The following FOXP2 variants were observed in gnomAD, a reference collection of about 807,000 sequenced individuals.
FOXP2 encodes the protein forkhead box P2, also known as forkhead box protein P2.
Under a neutral mutation model 115.8 loss-of-function variants are expected in FOXP2, and 12 were observed. That is an observed-to-expected ratio of 0.10 (90% CI 0.07 to 0.17). FOXP2 has a LOEUF of 0.17. FOXP2 is among the 10% of genes least tolerant of loss of function. The pLI, the probability that FOXP2 is intolerant of heterozygous loss-of-function variation, is 1.00. For synonymous variants in FOXP2, 328 were observed against 297.7 expected, an observed-to-expected ratio of 1.10 and a Z score of -1.05; for missense variants, 629 against 843.5, an observed-to-expected ratio of 0.75 and a Z score of 3.15.
chr7:114,337,162 A>G (rs1180080115), intron 2 of FOXP2, among the ~76,000 whole-genome samples: 3 of 151,434 alleles, frequency 2.0e-5, no homozygotes, highest in Admixed American at 1.3e-4. Flanking sequence ...ATGTCTTTAT[A>G]TATAATGGTT....
intron 2 of FOXP2, among the ~76,000 whole-genome samples, chr7:114,403,299 A>G (rs1792938556): frequency 6.6e-6 from 1 of 152,208 alleles, no homozygotes; most frequent in African/African-American, 2.4e-5. Flanking sequence ...GCATCACAGC[A>G]AACAAAAACC....
chr7:114,499,213 C>T, intron 2 of FOXP2: 1 of 355,472 alleles, frequency 2.8e-6, no homozygotes, highest in South Asian at 5.0e-5. Flanking sequence ...AAAGCTTGTC[C>T]CAGAGTGATT....
intron 2 of FOXP2, among the ~76,000 whole-genome samples, chr7:114,355,778 C>T (rs1336563798): frequency 6.6e-6 from 1 of 152,132 alleles, no homozygotes; most frequent in Non-Finnish European, 1.5e-5. Context: ...ACTGGCATTG[C>T]TTCCTGTGCC....
In FOXP2 at chr7:114,689,881, C is replaced by G. The variant is rs559347815; in HGVS notation, c.2103C>G (p.Asp701Glu). ...TTANHSPELE[D>E]DREIEEEPLS... ...CTAATCACAGTCCAGAATTAGAAGA[C>G]GACAGAGAGATTGAAGAAGAGCCTT... The change falls in exon 17 of 17, where the codon GAC (aspartate) becomes GAG (glutamate). Residue 701 changes from aspartate to glutamate, a missense_variant. By Grantham distance (45) the Asp-to-Glu change is conservative (BLOSUM62 2). Around this residue, in one of 9 missense-constraint regions of FOXP2, gnomAD observed 117 missense variants for 112.3 expected, o/e 1.04. Coordinates refer to ENST00000350908, the MANE Select transcript of FOXP2 (RefSeq NM_014491.4). The G allele has an allele frequency of 2.5e-6, 4 of 1,613,346 alleles. No homozygotes were observed. Among genetic ancestry groups the G allele is most frequent in the Middle Eastern group, 1.7e-4 (1 of 6,058 alleles).
At chr7:114,652,622 T>C (rs573387291) in intron 9 of FOXP2, among the ~76,000 whole-genome samples, 1 of 151,818 alleles carries the variant, frequency 6.6e-6, no homozygotes, top group South Asian at 2.1e-4. Flanking sequence ...ACAGAGAGAG[T>C]TTTTACATGA....
At chr7:114,311,308 A>C (rs1364225019) in intron 2 of FOXP2, among the ~76,000 whole-genome samples, 1 of 152,126 alleles carries the variant, frequency 6.6e-6, no homozygotes, top group African/African-American at 2.4e-5. Context: ...GAAATGGATA[A>C]AGGTCAGTCT....
At chr7:114,657,950 C>A in intron 10 of FOXP2, 116 bp from the exon 11 acceptor site, 1 of 1,075,232 alleles carries the variant, frequency 9.3e-7, no homozygotes, top group Non-Finnish European at 1.4e-6. Flanking sequence ...CTTCCTTTTG[C>A]AGCTTATTAG....
chr7:114,490,209 A>T (rs969826731), intron 2 of FOXP2, among the ~76,000 whole-genome samples: 11 of 152,176 alleles, frequency 7.2e-5, no homozygotes. Context: ...TGTGGCATAT[A>T]TAGACAATGG....
chr7:114,376,334 A>G (rs1211217951), intron 2 of FOXP2, among the ~76,000 whole-genome samples: 1 of 152,224 alleles, frequency 6.6e-6, no homozygotes, highest in Non-Finnish European at 1.5e-5. Flanking sequence ...TCTCAGCGAC[A>G]ATTATTTAAC....
At chr7:114,534,792 C>A in intron 3 of FOXP2, 86 bp downstream of exon 3, 1 of 1,003,886 alleles carries the variant, frequency 1.0e-6, no homozygotes. Flanking sequence ...TGTATATATA[C>A]AGGAAATTAT....
chr7:114,317,288 G>A (rs1797299724), intron 2 of FOXP2, among the ~76,000 whole-genome samples: 1 of 152,110 alleles, frequency 6.6e-6, no homozygotes, highest in Non-Finnish European at 1.5e-5. Flanking sequence ...TATAACAGTG[G>A]ATATGTTTGA....
chr7:114,142,875 T>C lies in FOXP2; in HGVS notation c.-246-20069T>C, dbSNP rs984503888. On this transcript the variant is annotated intron_variant, in intron 1 of 19. Transcript: ENST00000635638. Reference sequence around the variant, plus strand: ...TTTAACGCCCACTTCTGACCACGGATGGTGGCTCATGCCTGTAATTCCCAC... The same window carrying C: ...TTTAACGCCCACTTCTGACCACGGACGGTGGCTCATGCCTGTAATTCCCAC... Among the ~76,000 whole-genome samples the C allele has an allele frequency of 3.2e-4, 49 of 151,806 alleles. 1 individual carries two copies. Among genetic ancestry groups the C allele is most frequent in the African/African-American group, 1.1e-3 (46 of 41,464 alleles).
intron 8 of FOXP2, 25 bp downstream of exon 8, chr7:114,644,814 GGGGGGC>G: frequency 6.4e-7 from 1 of 1,567,718 alleles, no homozygotes; most frequent in Non-Finnish European, 8.8e-7. Context: ...TTTTTTTGGT[GGGGGGC>G]GGGGGCTGGA....
intron 1 of FOXP2, among the ~76,000 whole-genome samples, chr7:114,280,602 C>A (rs1562851620): frequency 6.6e-6 from 1 of 152,188 alleles, no homozygotes; most frequent in South Asian, 2.1e-4. Flanking sequence ...GATACAGTAA[C>A]TACAGAAGCC....
At chr7:114,576,506 C>T (rs1441784924) in intron 3 of FOXP2, among the ~76,000 whole-genome samples, 1 of 151,868 alleles carries the variant, frequency 6.6e-6, no homozygotes, top group Non-Finnish European at 1.5e-5. Context: ...ATTTACTCCC[C>T]TTGATGATTC....
At chr7:114,556,128 G>C (rs1028405164) in intron 3 of FOXP2, among the ~76,000 whole-genome samples, 2 of 152,122 alleles carry the variant, frequency 1.3e-5, no homozygotes, top group Non-Finnish European at 1.5e-5. Context: ...ATGTCAAATG[G>C]TAAGAAGTTT....
chr7:114,534,933 A>G (rs958972895), intron 3 of FOXP2, among the ~76,000 whole-genome samples: 1 of 151,868 alleles, frequency 6.6e-6, no homozygotes, highest in African/African-American at 2.4e-5. Flanking sequence ...AAAAATACAT[A>G]GGAACCATAT....
chr7:114,420,168 G>C (rs1793553667), intron 1 of FOXP2, among the ~76,000 whole-genome samples: 1 of 151,838 alleles, frequency 6.6e-6, no homozygotes, highest in African/African-American at 2.4e-5. Flanking sequence ...GGCAGGAAAG[G>C]TGAAAATGCC....
At chr7:114,405,317 G>A (rs972837174) in intron 2 of FOXP2, among the ~76,000 whole-genome samples, 5 of 151,732 alleles carry the variant, frequency 3.3e-5, no homozygotes, top group African/African-American at 1.2e-4. Flanking sequence ...TCACTTAAAC[G>A]ATTTCACACT....
Sources: allele counts gnomAD v4.1 joint callset (sites outside exome capture counted in the v4.1 genomes callset), GRCh38; gene constraint gnomAD v4.1.1; regional missense constraint gnomAD v4.1.1; transcripts MANE v1.5; gene names NCBI Gene and HGNC (gene_info 2026-07-23, HGNC 2026-07-21).